PVALB: variants seen among roughly 807,000 people sequenced by gnomAD.
The protein encoded by PVALB is parvalbumin alpha.
In PVALB, 11 loss-of-function variants were observed where a neutral mutation model predicts 10.9. The ratio of observed to expected loss-of-function variants is 1.01; its 90% CI spans 0.63 to 1.67. The LOEUF is 1.67. Ranked by LOEUF, PVALB falls within the 40% of genes most tolerant of loss-of-function variation. The pLI is 0.00. For missense variants in PVALB, 131 were observed against 136.2 expected (o/e 0.96, Z 0.19); for synonymous variants, 57 against 50.7 (o/e 1.12, Z -0.53).
At chr22:36,815,524 G>C in intron 1 of PVALB, 1 of 421,384 alleles carries the variant, frequency 2.4e-6, no homozygotes, top group Non-Finnish European at 4.4e-6. Context: ...GATGGGAGCA[G>C]CACCTAAGAA....
intron 3 of PVALB, among the ~76,000 whole-genome samples, chr22:36,805,602 C>G (rs969587487): frequency 3.3e-5 from 5 of 152,192 alleles, no homozygotes; most frequent in Non-Finnish European, 7.3e-5. Context: ...GAATCTTGTT[C>G]CATCACTATC....
intron 3 of PVALB, among the ~76,000 whole-genome samples, chr22:36,805,585 T>TGGA: frequency 6.6e-6 from 1 of 152,336 alleles, no homozygotes; most frequent in South Asian, 2.1e-4. Flanking sequence ...ACCCTGGACC[T>TGGA]ACATCTGAAT....
intron 3 of PVALB, among the ~76,000 whole-genome samples, chr22:36,806,760 G>A (rs963322637): frequency 2.6e-5 from 4 of 152,132 alleles, no homozygotes; most frequent in African/African-American, 4.8e-5. Flanking sequence ...GGCACCGCAC[G>A]GTGTGTTATT....
intron 3 of PVALB, among the ~76,000 whole-genome samples, chr22:36,806,663 G>A (rs897837356): frequency 2.0e-5 from 3 of 152,116 alleles, no homozygotes; most frequent in East Asian, 1.9e-4. Flanking sequence ...TTCCCATCCC[G>A]GAGAACTGGG....
At chr22:36,817,187 C>A (rs1281597379), upstream of PVALB, among the ~76,000 whole-genome samples, 1 of 152,136 alleles carries the variant, frequency 6.6e-6, no homozygotes, top group Admixed American at 6.5e-5. Flanking sequence ...AGCCGCGCCG[C>A]TGAGCAGCGC....
Position 36,815,116 on chromosome 22 carries a change from C to T in PVALB, c.181G>A (p.Glu61Lys), listed in dbSNP as rs1939117049. ...LDKDKSGFIE[E>K]DELGFILKGF... Reference sequence around the variant, plus strand: ...GCCTCCGCTTACCCCAGCTCATCCTCCTCGATGAAGCCACTTTTGTCCTTG... The same window carrying T: ...GCCTCCGCTTACCCCAGCTCATCCTTCTCGATGAAGCCACTTTTGTCCTTG... The change falls in exon 2 of 4, where the codon GAG (glutamate) becomes AAG (lysine). Residue 61 changes from glutamate (E) to lysine (K), a missense_variant. Coordinates refer to ENST00000417718, the MANE Select transcript of PVALB (RefSeq NM_001315532.2). The T allele has an allele frequency of 3.7e-6, 6 of 1,614,150 alleles. No individual in the cohort carries two copies. Among genetic ancestry groups the T allele is most frequent in the Non-Finnish European group, 5.1e-6 (6 of 1,180,008 alleles).
chr22:36,802,688 C>T (rs1314940883), intron 3 of PVALB, among the ~76,000 whole-genome samples: 1 of 151,838 alleles, frequency 6.6e-6, no homozygotes, highest in Non-Finnish European at 1.5e-5. Context: ...GGTGCCTCAC[C>T]TTCCTGAGGT....
Position 36,800,866 on chromosome 22 carries a change from A to G in PVALB, c.*24T>C. 1 of 1,598,708 alleles carries G rather than the reference A, an allele frequency of 6.3e-7. No homozygotes were observed. Among genetic ancestry groups the G allele is most frequent in the Non-Finnish European group, 8.6e-7 (1 of 1,165,916 alleles). ...TTGGGTGTTCAGGGCAGAGAGGTGG[A>G]AGACCAGGGGCAGTCAGTGCTTCTT... On this transcript the variant is annotated 3_prime_UTR_variant, in exon 4 of 4. Coordinates refer to ENST00000417718, the MANE Select transcript of PVALB (RefSeq NM_001315532.2).
At chr22:36,808,728 T>C (rs1321508863) in intron 3 of PVALB, among the ~76,000 whole-genome samples, 3 of 152,202 alleles carry the variant, frequency 2.0e-5, no homozygotes, top group Non-Finnish European at 4.4e-5. Context: ...TGGAGACCTG[T>C]TGTGAAGGTG....
chr22:36,810,095 G>C (rs947973095), intron 3 of PVALB, among the ~76,000 whole-genome samples: 11 of 152,124 alleles, frequency 7.2e-5, no homozygotes, highest in Non-Finnish European at 1.5e-5. Context: ...ATGTTGGCCA[G>C]GCTGGTCTCG....
chr22:36,807,806 CCT>C (rs1938978038), intron 3 of PVALB, among the ~76,000 whole-genome samples: 1 of 152,182 alleles, frequency 6.6e-6, no homozygotes, highest in Admixed American at 6.5e-5. Flanking sequence ...TACCACTCCG[CCT>C]CTCACGCCTC....
chr22:36,812,432 C>G (rs921994569), intron 3 of PVALB, among the ~76,000 whole-genome samples: 1 of 152,116 alleles, frequency 6.6e-6, no homozygotes, highest in African/African-American at 2.4e-5. Flanking sequence ...ACAGAAGGTA[C>G]CCTTGCGAAG....
intron 3 of PVALB, among the ~76,000 whole-genome samples, chr22:36,806,252 G>A (rs1938948157): frequency 6.6e-6 from 1 of 152,124 alleles, no homozygotes; most frequent in Admixed American, 6.5e-5. Flanking sequence ...AGACCCTCTG[G>A]GGCCAGCTTG....
At chr22:36,814,563 A>C (rs1939105408) in intron 2 of PVALB, among the ~76,000 whole-genome samples, 1 of 152,100 alleles carries the variant, frequency 6.6e-6, no homozygotes. Flanking sequence ...ATGCTTTTGC[A>C]GATGGAGGCA....
At position 36,816,043 on chromosome 22, in the gene PVALB, TTTTGTGTGTGTG is replaced by T. The variant is rs990583162; in HGVS notation, c.62-820_62-809del. Among the ~76,000 whole-genome samples the T allele has an allele frequency of 1.0e-4, 7 of 70,284 alleles. No homozygotes were observed. In the African/African-American group the frequency reaches 1.2e-3, roughly 12 times the overall value. The allele number at this position is 70,284 out of a possible 152,430, so 46.1% of individuals were successfully genotyped here. A position where few individuals can be genotyped will look rare whatever the true frequency, so the allele number is the denominator to read the frequency against. Reference sequence around the variant, plus strand: ...GAAGGGTACAATGTTAGATCATGTATTTTGTGTGTGTGTGTGTGTGTGTGTGTGTGTAGGGAA... The same window carrying T: ...GAAGGGTACAATGTTAGATCATGTATTGTGTGTGTGTGTGTGTGTAGGGAA... On this transcript the variant is annotated intron_variant, in intron 1 of 3. Transcript: ENST00000417718.
chr22:36,811,058 T>A (rs1196709396), intron 3 of PVALB, among the ~76,000 whole-genome samples: 1 of 152,156 alleles, frequency 6.6e-6, no homozygotes, highest in East Asian at 1.9e-4. Flanking sequence ...GGCGGATGAC[T>A]TGAGGTCAGG....
intron 3 of PVALB, among the ~76,000 whole-genome samples, chr22:36,812,359 T>C (rs540750352): frequency 5.3e-4 from 81 of 152,168 alleles, no homozygotes; most frequent in Non-Finnish European, 1.0e-3. Context: ...ACCCAATCCC[T>C]AGTTTTAAGT....
intron 3 of PVALB, among the ~76,000 whole-genome samples, chr22:36,803,369 A>T (rs1180392160): frequency 1.3e-5 from 2 of 152,128 alleles, no homozygotes; most frequent in Non-Finnish European, 2.9e-5. Flanking sequence ...TTATTTATGC[A>T]CTTATTTTTG....
At chr22:36,811,937 C>T (rs1323451833) in intron 3 of PVALB, among the ~76,000 whole-genome samples, 3 of 152,098 alleles carry the variant, frequency 2.0e-5, no homozygotes, top group Non-Finnish European at 2.9e-5. Context: ...CATCAGATGG[C>T]CAGGGGACCC....
Sources: gnomAD v4.1 joint callset for allele counts (sites outside exome capture counted in the v4.1 genomes callset) on GRCh38, gnomAD v4.1.1 for gene constraint, MANE v1.5 for transcripts, NCBI Gene and HGNC (gene_info 2026-07-23, HGNC 2026-07-21) for gene names.